The following MEIS2 variants were observed in gnomAD, a reference collection of about 807,000 sequenced individuals.
MEIS2 encodes the protein Meis homeobox 2.
In MEIS2, 9 loss-of-function variants were observed where a neutral mutation model predicts 58.6. That is an observed-to-expected ratio of 0.15 (90% CI 0.09 to 0.27). The LOEUF (loss-of-function observed/expected upper bound fraction) is 0.27, where lower values mean the gene tolerates loss of function less well. MEIS2 is among the 10% of genes least tolerant of loss of function. The pLI, the probability that MEIS2 is intolerant of heterozygous loss-of-function variation, is 1.00. For synonymous variants in MEIS2, 221 were observed against 228.4 expected (o/e 0.97, Z 0.29); for missense variants, 427 against 635.0 (o/e 0.67, Z 3.52).
chr15:36,997,487 CTCTTT>C (rs1175568745), intron 8 of MEIS2, among the ~76,000 whole-genome samples: 2 of 67,344 alleles, frequency 3.0e-5, no homozygotes, highest in African/African-American at 7.9e-5. Flanking sequence ...CTCTCTCTCT[CTCTTT>C]TTTTTTTTTT....
intron 9 of MEIS2, among the ~76,000 whole-genome samples, chr15:36,946,739 T>A (rs1267517305): frequency 6.6e-6 from 1 of 151,998 alleles, no homozygotes; most frequent in Non-Finnish European, 1.5e-5. Context: ...GAGATATATA[T>A]GACCATTATC....
In MEIS2 at chr15:37,083,326, G is replaced by A. The variant is rs540560781; in HGVS notation, c.754+445C>T. 7.2e-5 allele frequency among the ~76,000 whole-genome samples: 11 copies of A among 152,250 alleles called. No homozygotes were observed. The South Asian group carries it at 1.7e-3, about 23-fold the overall frequency. On this transcript the variant is annotated intron_variant, in intron 7 of 11. Transcript: ENST00000561208. The stretch of plus-strand genomic sequence containing the variant: ...CATGTAAAATTCCACAATATTTCCA[G>A]AGCTAATAAGAACAGATTTTTAAAT...
At chr15:37,053,062 T>C (rs899179650) in intron 7 of MEIS2, among the ~76,000 whole-genome samples, 1 of 152,170 alleles carries the variant, frequency 6.6e-6, no homozygotes, top group Non-Finnish European at 1.5e-5. Context: ...AGGTTTTTGT[T>C]TGAGAGGAAA....
chr15:37,071,072 T>C (rs921307942), intron 7 of MEIS2, among the ~76,000 whole-genome samples: 2 of 152,010 alleles, frequency 1.3e-5, no homozygotes, highest in Non-Finnish European at 2.9e-5. Flanking sequence ...CCCTATTACC[T>C]AGCAAATCAA....
At chr15:36,936,595 T>C (rs2058184607) in intron 9 of MEIS2, among the ~76,000 whole-genome samples, 1 of 152,222 alleles carries the variant, frequency 6.6e-6, no homozygotes. Flanking sequence ...ATGTGAAAGA[T>C]GTATTATAAA....
intron 9 of MEIS2, among the ~76,000 whole-genome samples, chr15:36,920,379 T>G (rs569502123): frequency 3.8e-4 from 58 of 152,328 alleles, no homozygotes; most frequent in Non-Finnish European, 6.9e-4. Flanking sequence ...ACTCCCGACC[T>G]CAGGTGATCC....
chr15:36,982,598 T>C (rs757038984), intron 8 of MEIS2, among the ~76,000 whole-genome samples: 1 of 152,214 alleles, frequency 6.6e-6, no homozygotes, highest in Non-Finnish European at 1.5e-5. Context: ...TTGTGAATAA[T>C]GCTGCAATGA....
chr15:37,010,896 A>T (rs2141632551), intron 8 of MEIS2, among the ~76,000 whole-genome samples: 1 of 152,350 alleles, frequency 6.6e-6, no homozygotes, highest in South Asian at 2.1e-4. Context: ...AAAATGATTT[A>T]GGGAGCATAA....
At chr15:37,011,207 G>A (rs565626951) in intron 8 of MEIS2, among the ~76,000 whole-genome samples, 25 of 152,290 alleles carry the variant, frequency 1.6e-4, no homozygotes, top group African/African-American at 3.8e-4. Flanking sequence ...ATTTAGATAC[G>A]TAACTTTTCA....
chr15:36,911,773 G>A (rs2057038668), intron 9 of MEIS2, among the ~76,000 whole-genome samples: 1 of 152,142 alleles, frequency 6.6e-6, no homozygotes, highest in Admixed American at 6.5e-5. Flanking sequence ...CAATTGTTGG[G>A]CTTATTGACT....
chr15:36,979,801 T>C (rs565091237), intron 8 of MEIS2, among the ~76,000 whole-genome samples: 68 of 147,446 alleles, frequency 4.6e-4, no homozygotes, highest in Admixed American at 2.7e-3. Context: ...CCCCATACAA[T>C]ATAGATATTA....
chr15:37,100,474 G>A lies in MEIS2; in HGVS notation c.-1008C>T, dbSNP rs904249869. The A allele has an allele frequency of 6.6e-6, 1 of 152,528 alleles. No individual in the cohort carries two copies. Among genetic ancestry groups the A allele is most frequent in the Non-Finnish European group, 1.5e-5 (1 of 68,202 alleles). 9.4% of individuals were successfully genotyped at this position (152,528 alleles called of 1,614,324 possible). A position where few individuals can be genotyped will look rare whatever the true frequency, so the allele number is the denominator to read the frequency against. ...TGGTGGCCATAGCCCGTCGTACGGC[G>A]GAGACACATCCCGGGAGTGGGGAGC... is the stretch of plus-strand genomic sequence containing the variant. On this transcript the variant is annotated 5_prime_UTR_variant, in exon 1 of 12. Transcript: ENST00000561208.
chr15:36,986,520 A>G (rs890572491), intron 8 of MEIS2, among the ~76,000 whole-genome samples: 1 of 152,214 alleles, frequency 6.6e-6, no homozygotes, highest in African/African-American at 2.4e-5. Context: ...TCCGGCTTCC[A>G]GCTTCCTTCA....
intron 8 of MEIS2, among the ~76,000 whole-genome samples, chr15:36,997,589 C>T (rs1778752804): frequency 6.6e-6 from 1 of 151,796 alleles, no homozygotes; most frequent in Non-Finnish European, 1.5e-5. Context: ...TGGGTTCACG[C>T]CATTCTCCTG....
intron 8 of MEIS2, among the ~76,000 whole-genome samples, chr15:36,995,308 G>T (rs987846205): frequency 2.3e-4 from 35 of 152,026 alleles, no homozygotes; most frequent in Non-Finnish European, 4.6e-4. Context: ...CTTAACCAAG[G>T]AAGGCCATAT....
chr15:37,025,604 A>G (rs372129087), intron 8 of MEIS2, among the ~76,000 whole-genome samples: 5 of 152,238 alleles, frequency 3.3e-5, no homozygotes, highest in African/African-American at 1.2e-4. Context: ...CCATAGAGTC[A>G]TGAGAATTTA....
chr15:37,057,252 A>G (rs1888556531), intron 7 of MEIS2, among the ~76,000 whole-genome samples: 1 of 152,246 alleles, frequency 6.6e-6, no homozygotes, highest in African/African-American at 2.4e-5. Context: ...AACTGAGAAG[A>G]ATCTCTCGTG....
chr15:37,016,858 A>C (rs1023103467), intron 8 of MEIS2, among the ~76,000 whole-genome samples: 12 of 152,234 alleles, frequency 7.9e-5, no homozygotes, highest in African/African-American at 2.9e-4. Flanking sequence ...AGAATTGTCA[A>C]AATTTTATCG....
At chr15:37,032,338 G>A (rs1412886321) in intron 8 of MEIS2, among the ~76,000 whole-genome samples, 3 of 152,160 alleles carry the variant, frequency 2.0e-5, no homozygotes, top group Non-Finnish European at 2.9e-5. Flanking sequence ...GGAGGTGCCC[G>A]AGGGCCTAAT....
Sources: allele counts gnomAD v4.1 joint callset (sites outside exome capture counted in the v4.1 genomes callset), GRCh38; gene constraint gnomAD v4.1.1; transcripts MANE v1.5; gene names NCBI Gene and HGNC (gene_info 2026-07-23, HGNC 2026-07-21).